Variants in ARPP19 observed in about 807,000 individuals in gnomAD.
ARPP19 encodes cAMP regulated phosphoprotein 19, also known as cAMP-regulated phosphoprotein 19.
In ARPP19, 8 loss-of-function variants were observed where a neutral mutation model predicts 12.0. The observed-to-expected ratio is 0.67, with a 90% CI of 0.39 to 1.21. The LOEUF (loss-of-function observed/expected upper bound fraction) is 1.21, where lower values mean the gene tolerates loss of function less well. Ranked by LOEUF, ARPP19 falls within the 50% of genes most tolerant of loss-of-function variation. The pLI is 0.01. For missense variants in ARPP19, 102 were observed against 136.3 expected (o/e 0.75, Z 1.25); for synonymous variants, 47 against 50.4 (o/e 0.93, Z 0.29).
chr15:52,558,968 T>A (rs542178113), intron 1 of ARPP19, among the ~76,000 whole-genome samples: 1 of 152,100 alleles, frequency 6.6e-6, no homozygotes, highest in African/African-American at 2.4e-5. Context: ...CCAGCTCTCA[T>A]ACATGTTTTA....
At position 52,551,964 on chromosome 15, in the gene ARPP19, C is replaced by T. The variant is rs151240833; in HGVS notation, c.309G>A (p.Pro103=). Residue 103 remains proline (P), a synonymous_variant, in exon 3 of 3, where the codon CCG becomes CCA. Coordinates refer to ENST00000249822, the MANE Select transcript of ARPP19 (RefSeq NM_006628.6). The stretch of plus-strand genomic sequence containing the variant: ...CAGCCAGCTTGCTAGCAACAAGGGA[C>T]GGCTTCCGTTGAGGAAGGTCTTGCG... ...PTPQDLPQRK[P]SLVASKLAG 336 of 1,613,422 alleles carry T rather than the reference C, an allele frequency of 2.1e-4. No individual in the cohort carries two copies. The highest frequency in any genetic ancestry group is 2.7e-4 in the Non-Finnish European group (315 of 1,179,530).
intron 1 of ARPP19, among the ~76,000 whole-genome samples, chr15:52,567,997 G>A (rs905723137): frequency 2.6e-5 from 4 of 152,162 alleles, no homozygotes; most frequent in Non-Finnish European, 5.9e-5. Flanking sequence ...CTGCCTAGGA[G>A]GGCAGGGCGG....
At chr15:52,561,107 AAAAGCAG>A (rs2078028157) in intron 1 of ARPP19, among the ~76,000 whole-genome samples, 2 of 152,230 alleles carry the variant, frequency 1.3e-5, no homozygotes, top group South Asian at 4.1e-4. Context: ...GGACACTGAT[AAAAGCAG>A]GTAAAATAAG....
rs1375118046 is a variant in ARPP19, at chr15:52,549,832, T to C, written c.*2102A>G. On this transcript the variant is annotated 3_prime_UTR_variant, in exon 3 of 3. Coordinates refer to ENST00000249822, the MANE Select transcript of ARPP19 (RefSeq NM_006628.6). ...TATTTTAAACTTCTTAAATTGATTCTATAATGAGTATATACTTGCTCTCAT... is the reference window on the plus strand; with the variant it reads ...TATTTTAAACTTCTTAAATTGATTCCATAATGAGTATATACTTGCTCTCAT... 1 of 152,444 alleles carries C rather than the reference T, an allele frequency of 6.6e-6. No individual in the cohort carries two copies. Among genetic ancestry groups the C allele is most frequent in the Non-Finnish European group, 1.5e-5 (1 of 68,026 alleles). 9.4% of individuals were successfully genotyped at this position (152,444 alleles called of 1,614,324 possible).
At chr15:52,558,370 A>G (rs1363824800) in intron 1 of ARPP19, among the ~76,000 whole-genome samples, 1 of 152,002 alleles carries the variant, frequency 6.6e-6, no homozygotes, top group East Asian at 1.9e-4. Flanking sequence ...TGACTGCTTA[A>G]GCATGGAAGG....
intron 1 of ARPP19, among the ~76,000 whole-genome samples, chr15:52,560,487 C>A (rs2078022488): frequency 6.6e-6 from 1 of 152,190 alleles, no homozygotes; most frequent in South Asian, 2.1e-4. Context: ...CATAGCACAA[C>A]TGAAAGCCCC....
At position 52,547,728 on chromosome 15, in the gene ARPP19, T is replaced by C. The variant is rs887574517; in HGVS notation, c.*4206A>G. 2 of 152,280 alleles carry C rather than the reference T, an allele frequency of 1.3e-5. No homozygotes were observed. Among genetic ancestry groups the C allele is most frequent in the Non-Finnish European group, 2.9e-5 (2 of 68,042 alleles). The allele number at this position is 152,280 out of a possible 1,614,324, so 9.4% of individuals were successfully genotyped here. On this transcript the variant is annotated 3_prime_UTR_variant, in exon 3 of 3. Transcript: ENST00000249822. ...GACAGATATTGGGGAAGACTGGCAG[T>C]GTGTGCTGAGTTAGAGTTGGGAATG...
rs1385939994 is a variant in ARPP19 at position 52,547,293 on chromosome 15, T to A, written c.*4641A>T. Reference sequence around the variant, plus strand: ...AATACAAGTATAATTTTGGAAGGGGTATTTGACAAATTCAGCATTAACTGC... The same window carrying A: ...AATACAAGTATAATTTTGGAAGGGGAATTTGACAAATTCAGCATTAACTGC... On this transcript the variant is annotated 3_prime_UTR_variant, in exon 3 of 3. Transcript: ENST00000249822. 6.6e-6 allele frequency: 1 copy of A among 152,092 alleles called. No individual in the cohort carries two copies. Among genetic ancestry groups the A allele is most frequent in the African/African-American group, 2.4e-5 (1 of 41,402 alleles). 9.4% of individuals were successfully genotyped at this position (152,092 alleles called of 1,614,324 possible). A position where few individuals can be genotyped will look rare whatever the true frequency, so the allele number is the denominator to read the frequency against.
chr15:52,568,591 A>C (rs565956475), intron 1 of ARPP19: 2 of 440,968 alleles, frequency 4.5e-6, no homozygotes, highest in Admixed American at 4.5e-5. Flanking sequence ...TCGCGTAAAT[A>C]TAAGTGACTG....
chr15:52,566,799 T>C (rs2078086896), intron 1 of ARPP19, among the ~76,000 whole-genome samples: 1 of 149,294 alleles, frequency 6.7e-6, no homozygotes, highest in African/African-American at 2.5e-5. Context: ...TTTATGTTTG[T>C]ACATATTGTT....
upstream of ARPP19, chr15:52,569,251 C>T (rs755500672): frequency 3.2e-6 from 1 of 311,870 alleles, no homozygotes; most frequent in Non-Finnish European, 5.9e-6. Context: ...AGTGGAACCG[C>T]CCCTCCCCGC....
chr15:52,569,359 CTG>C (rs755957308), upstream of ARPP19: 92 of 196,252 alleles, frequency 4.7e-4, 1 homozygote, highest in Non-Finnish European at 4.0e-4. Flanking sequence ...GCTCTCCGCT[CTG>C]TAGCCACACA....
At chr15:52,556,407 G>A (rs1021374000) in intron 2 of ARPP19, among the ~76,000 whole-genome samples, 1 of 151,964 alleles carries the variant, frequency 6.6e-6, no homozygotes, top group African/African-American at 2.4e-5. Context: ...AAACAGGCCA[G>A]CATTATCTCA....
intron 1 of ARPP19, among the ~76,000 whole-genome samples, chr15:52,561,015 A>G (rs2078027462): frequency 6.6e-6 from 1 of 152,220 alleles, no homozygotes; most frequent in East Asian, 1.9e-4. Flanking sequence ...TCCTTCTAAT[A>G]ATTTGTAACC....
At chr15:52,554,108 A>T (rs1442209668) in intron 2 of ARPP19, among the ~76,000 whole-genome samples, 1 of 152,170 alleles carries the variant, frequency 6.6e-6, no homozygotes, top group African/African-American at 2.4e-5. Flanking sequence ...GCAGCCTGCC[A>T]AATTTCTTAT....
intron 2 of ARPP19, 135 bp downstream of exon 2, chr15:52,556,965 C>T: frequency 1.2e-6 from 1 of 861,674 alleles, no homozygotes; most frequent in Non-Finnish European, 1.7e-6. Context: ...TGGAAAAACC[C>T]ATTACAGATA....
intron 1 of ARPP19, 149 bp downstream of exon 1, chr15:52,568,699 A>T: frequency 9.8e-6 from 5 of 511,408 alleles, no homozygotes. Context: ...CCAGCCAGCG[A>T]CGGCGGGAAG....
chr15:52,569,136 C>T (rs541510827), upstream of ARPP19: 31 of 523,148 alleles, frequency 5.9e-5, no homozygotes, highest in East Asian at 1.0e-3. Flanking sequence ...TTCTCCCGCT[C>T]GCTGTCGTCC....
chr15:52,555,204 C>T (rs1462166715), intron 2 of ARPP19, among the ~76,000 whole-genome samples: 2 of 152,106 alleles, frequency 1.3e-5, no homozygotes, highest in Admixed American at 6.5e-5. Flanking sequence ...ATCTACAACA[C>T]CAACTCCAAG....
Sources: gnomAD v4.1 joint callset for allele counts (sites outside exome capture counted in the v4.1 genomes callset) on GRCh38, gnomAD v4.1.1 for gene constraint, MANE v1.5 for transcripts, NCBI Gene and HGNC (gene_info 2026-07-23, HGNC 2026-07-21) for gene names.